Variants in ULK2 observed in about 807,000 individuals in gnomAD.
The protein encoded by ULK2 is serine/threonine-protein kinase ULK2.
In ULK2, 76 loss-of-function variants were observed where a neutral mutation model predicts 127.5. The observed-to-expected ratio is 0.60, with a 90% CI of 0.50 to 0.72. The LOEUF (loss-of-function observed/expected upper bound fraction) is 0.72, where lower values mean the gene tolerates loss of function less well. Ranked by LOEUF, ULK2 falls within the 30% of genes least tolerant of loss-of-function variation. The probability of loss-of-function intolerance (pLI) is 0.00; values close to 1 mark genes in which losing one functional copy is unlikely to be tolerated. For synonymous variants in ULK2, 452 were observed against 461.9 expected (o/e 0.98, Z 0.28); for missense variants, 1,144 against 1,295.9 (o/e 0.88, Z 1.80).
At chr17:19,799,596 AAGATGGGGAAAGGAAG>A in intron 16 of ULK2, 21 bp from the exon 17 acceptor site, 1 of 1,510,130 alleles carries the variant, frequency 6.6e-7, no homozygotes, top group Non-Finnish European at 8.8e-7. Flanking sequence ...AAAAAAAAAA[AAGATGGGGAAAGGAAG>A]AAAAATGATC....
At chr17:19,817,336 C>T (rs1010695432) in intron 12 of ULK2, among the ~76,000 whole-genome samples, 5 of 152,122 alleles carry the variant, frequency 3.3e-5, no homozygotes, top group Non-Finnish European at 7.3e-5. Flanking sequence ...ATCTTACACA[C>T]ACACGTTTTA....
At position 19,864,777 on chromosome 17, in the gene ULK2, T is replaced by A. The variant is rs1455288221; in HGVS notation, c.225+26A>T. ...GAAATTAAAAAAAATTTATTTTAATTTTTAAAAATTTTCAAAATAAGGTAC... is the reference window on the plus strand; with the variant it reads ...GAAATTAAAAAAAATTTATTTTAATATTTAAAAATTTTCAAAATAAGGTAC... On this transcript the variant is annotated intron_variant, in intron 3 of 26. Coordinates refer to ENST00000395544, the MANE Select transcript of ULK2 (RefSeq NM_014683.4). 4.4e-6 allele frequency: 5 copies of A among 1,135,952 alleles called. No homozygotes were observed. The Admixed American group carries it at 1.3e-4, about 29-fold the overall frequency. The allele number at this position is 1,135,952 out of a possible 1,614,324, so 70.4% of individuals were successfully genotyped here.
chr17:19,809,073 T>C (rs768851590), intron 14 of ULK2, among the ~76,000 whole-genome samples: 13 of 152,208 alleles, frequency 8.5e-5, no homozygotes, highest in Non-Finnish European at 1.9e-4. Flanking sequence ...ATACATACCA[T>C]GGAATATAAT....
In ULK2 at chr17:19,867,673, T is replaced by C. The variant is rs1270445702; in HGVS notation, c.-256A>G. ...GGCCTGCCGCCGGCCGCTGGCTGTC[T>C]GGCGAAGCGGCCTCGGCGCTGCCGG... is the stretch of plus-strand genomic sequence containing the variant. On this transcript the variant is annotated 5_prime_UTR_variant, in exon 1 of 27. Coordinates refer to ENST00000395544, the MANE Select transcript of ULK2 (RefSeq NM_014683.4). 15 of 222,416 alleles carry C rather than the reference T, an allele frequency of 6.7e-5. No homozygotes were observed. The highest frequency in any genetic ancestry group is 2.0e-4 in the East Asian group (2 of 10,048). The allele number at this position is 222,416 out of a possible 1,614,324, so 13.8% of individuals were successfully genotyped here.
At chr17:19,842,675 G>A (rs1597799974) in intron 8 of ULK2, among the ~76,000 whole-genome samples, 1 of 152,190 alleles carries the variant, frequency 6.6e-6, no homozygotes, top group East Asian at 1.9e-4. Flanking sequence ...GAGAGGAGGA[G>A]AAGACAGACC....
intron 3 of ULK2, among the ~76,000 whole-genome samples, chr17:19,863,647 A>G (rs2042291649): frequency 6.6e-6 from 1 of 152,084 alleles, no homozygotes; most frequent in South Asian, 2.1e-4. Flanking sequence ...TACAGGCTCA[A>G]GCCACCACAC....
At position 19,780,476 on chromosome 17, in the gene ULK2, T is replaced by G. The variant is rs200027113; in HGVS notation, c.2912A>C (p.Glu971Ala). The part of the protein sequence containing the change: ...AEKLIYNCAV[E>A]MVQSAALDEM... Reference sequence around the variant, plus strand: ...TTAAACCTTAGAAAGGGTTACCATTTCTACAGCACAATTATAGATGAGTTT... The same window carrying G: ...TTAAACCTTAGAAAGGGTTACCATTGCTACAGCACAATTATAGATGAGTTT... The change falls in exon 25 of 27, where the codon GAA becomes GCA. Residue 971 changes from glutamate (E) to alanine (A), a missense_variant. By Grantham distance (107) the Glu-to-Ala change is moderately radical. This residue lies in a region of ULK2 where 913 missense variants were observed against 970.5 expected (regional missense o/e 0.94). Transcript: ENST00000395544. 156 of 1,608,990 alleles carry G rather than the reference T, an allele frequency of 9.7e-5. No individual in the cohort carries two copies. The highest frequency in any genetic ancestry group is 1.2e-4 in the Non-Finnish European group (143 of 1,178,348).
intron 20 of ULK2, among the ~76,000 whole-genome samples, chr17:19,786,484 C>T (rs559770747): frequency 6.6e-6 from 1 of 152,142 alleles, no homozygotes; most frequent in East Asian, 1.9e-4. Context: ...GAGGCCAAGG[C>T]GGGTGGATCA....
At chr17:19,839,698 A>T (rs1332055577) in intron 9 of ULK2, among the ~76,000 whole-genome samples, 1 of 151,908 alleles carries the variant, frequency 6.6e-6, no homozygotes, top group Non-Finnish European at 1.5e-5. Flanking sequence ...AAAGAAAAAG[A>T]TATTAAAGAA....
At chr17:19,794,118 A>C (rs995703982) in intron 20 of ULK2, among the ~76,000 whole-genome samples, 2 of 152,186 alleles carry the variant, frequency 1.3e-5, no homozygotes, top group African/African-American at 4.8e-5. Flanking sequence ...CCAAGGAAAG[A>C]ATCAGTGAGA....
intron 12 of ULK2, among the ~76,000 whole-genome samples, chr17:19,823,126 A>ATTTTTTTTTTTTTTTT (rs3884213): frequency 2.7e-5 from 3 of 113,206 alleles, no homozygotes; most frequent in Admixed American, 1.0e-4. Flanking sequence ...ACGCCTGGCT[A>ATTTTTTTTTTTTTTTT]TTTTTTTTTT....
At chr17:19,813,746 T>G (rs1025070908) in intron 13 of ULK2, among the ~76,000 whole-genome samples, 1 of 152,140 alleles carries the variant, frequency 6.6e-6, no homozygotes, top group Admixed American at 6.5e-5. Flanking sequence ...AAACAAAAGA[T>G]GTGAATGCTC....
chr17:19,835,653 C>G (rs2041576723), intron 10 of ULK2, among the ~76,000 whole-genome samples: 1 of 149,960 alleles, frequency 6.7e-6, no homozygotes, highest in Non-Finnish European at 1.5e-5. Flanking sequence ...GGAGGCAGAG[C>G]TTGCAGTGAG....
rs544922028 is a variant in ULK2, at chr17:19,811,406, C to T, written c.1097-968G>A. On this transcript the variant is annotated intron_variant, in intron 13 of 26. Coordinates refer to ENST00000395544, the MANE Select transcript of ULK2 (RefSeq NM_014683.4). ...TCATGTATCAACCTGATAGCTTAAT[C>T]ACGAGAGGGAAATTATTTCAAGTAA... is the stretch of plus-strand genomic sequence containing the variant. Among the ~76,000 whole-genome samples the T allele has an allele frequency of 8.6e-5, 13 of 151,806 alleles. No homozygotes were observed. The East Asian group carries it at 2.5e-3, about 29-fold the overall frequency.
chr17:19,864,439 C>T (rs1367590992), intron 3 of ULK2, among the ~76,000 whole-genome samples: 1 of 151,396 alleles, frequency 6.6e-6, no homozygotes, highest in Non-Finnish European at 1.5e-5. Flanking sequence ...CAAGCCACTG[C>T]ACTGCAGCCC....
intron 3 of ULK2, among the ~76,000 whole-genome samples, chr17:19,851,449 C>T (rs1460920584): frequency 6.6e-6 from 1 of 151,724 alleles, no homozygotes; most frequent in Non-Finnish European, 1.5e-5. Flanking sequence ...ACCCGCCTGG[C>T]CAACATGGTG....
At chr17:19,854,528 GA>G (rs568716243) in intron 3 of ULK2, among the ~76,000 whole-genome samples, 51 of 152,162 alleles carry the variant, frequency 3.4e-4, no homozygotes, top group Non-Finnish European at 6.8e-4. Flanking sequence ...CAGTCTTACA[GA>G]AGACTTCTTC....
At chr17:19,780,437 A>T (rs1350555034) in intron 25 of ULK2, 35 bp downstream of exon 25, 1 of 1,532,214 alleles carries the variant, frequency 6.5e-7, no homozygotes, top group East Asian at 2.3e-5. Flanking sequence ...AAAGATAAGT[A>T]GTACTATACA....
intron 10 of ULK2, among the ~76,000 whole-genome samples, chr17:19,837,974 C>T (rs938340648): frequency 1.3e-5 from 2 of 152,188 alleles, no homozygotes; most frequent in Non-Finnish European, 2.9e-5. Flanking sequence ...TGTGGAAAAG[C>T]CCAAGTCTTC....
Sources: allele counts gnomAD v4.1 joint callset (sites outside exome capture counted in the v4.1 genomes callset), GRCh38; gene constraint gnomAD v4.1.1; regional missense constraint gnomAD v4.1.1; transcripts MANE v1.5; gene names NCBI Gene and HGNC (gene_info 2026-07-23, HGNC 2026-07-21).